PTPRU: variants seen among roughly 807,000 people sequenced by gnomAD.
The protein encoded by PTPRU is protein tyrosine phosphatase receptor type U.
In PTPRU, 69 loss-of-function variants were observed where a neutral mutation model predicts 166.3. The observed-to-expected ratio is 0.41, with a 90% CI of 0.34 to 0.51. The LOEUF is 0.51. PTPRU is among the 20% of genes least tolerant of loss of function. PTPRU has a pLI of 0.09. For missense variants in PTPRU, 1,657 were observed against 2,013.7 expected (o/e 0.82, Z 3.39); for synonymous variants, 793 against 814.0 (o/e 0.97, Z 0.44).
At position 29,320,501 on chromosome 1, in the gene PTPRU, C is replaced by G; in HGVS notation, c.3688-184C>G. The G allele has an allele frequency of 1.7e-6, 1 of 582,958 alleles. No homozygotes were observed. Among genetic ancestry groups the G allele is most frequent in the Non-Finnish European group, 2.7e-6 (1 of 374,016 alleles). 36.1% of individuals were successfully genotyped at this position (582,958 alleles called of 1,614,324 possible). A position where few individuals can be genotyped will look rare whatever the true frequency, so the allele number is the denominator to read the frequency against. On this transcript the variant is annotated intron_variant, in intron 25 of 29. Transcript: ENST00000373779. The surrounding 1 kb of genome is among the most constrained non-coding windows in gnomAD (Gnocchi z 5.2). ...CTTGGTCCCCAGAGGCCTGGGCCCA[C>G]CCTGTCAACCCAGGCCTCAGTGTGC...
rs752514399 is a variant in PTPRU, at chr1:29,284,879, G to A, written c.2318+10G>A. 4.4e-6 allele frequency: 7 copies of A among 1,602,092 alleles called. No homozygotes were observed. The highest frequency in any genetic ancestry group is 1.1e-5 in the South Asian group (1 of 89,456). On this transcript the variant is annotated intron_variant, in intron 14 of 29. Transcript: ENST00000373779. ...TCATCATCCGCAAAGGGTGAGTGAG[G>A]CCGGTGCCCTGTCCCACCAGTGGCT...
rs751838866 is a variant in PTPRU, at chr1:29,275,683, C to T, written c.1380C>T (p.His460=). 17 of 1,614,074 alleles carry T rather than the reference C, an allele frequency of 1.1e-5. No homozygotes were observed. The East Asian group carries it at 1.3e-4, about 13-fold the overall frequency. ...ACCTGCTGCCCTATCGGAACGTTCA[C>T]GTGAGGCTTGTCCTCACTAACCCTG... is the stretch of plus-strand genomic sequence containing the variant. ...IKNLLPYRNV[H]VRLVLTNPEG... is the part of the protein sequence containing the mutation. The change falls in exon 8 of 30, where the codon CAC becomes CAT. Residue 460 remains histidine, a synonymous_variant. Coordinates refer to ENST00000373779, the MANE Select transcript of PTPRU (RefSeq NM_133178.4).
rs567982844 is a variant in PTPRU, at chr1:29,322,644, C to G, written c.3829-727C>G. Among the ~76,000 whole-genome samples the G allele has an allele frequency of 3.2e-4, 49 of 152,154 alleles. No homozygotes were observed. In the East Asian group the frequency reaches 8.5e-3, roughly 26 times the overall value. On this transcript the variant is annotated intron_variant, in intron 26 of 29. Transcript: ENST00000373779. ...CAGAGGGGATTGATGAGCACGGTGT[C>G]TTTTTGGGAGAGGATGGGAGTCATT... is the stretch of plus-strand genomic sequence containing the variant.
chr1:29,311,633 G>A lies in PTPRU; in HGVS notation c.2956-10G>A. The A allele has an allele frequency of 1.2e-6, 2 of 1,614,046 alleles. No individual in the cohort carries two copies. Among genetic ancestry groups the A allele is most frequent in the Admixed American group, 1.7e-5 (1 of 60,028 alleles). On this transcript the variant is annotated splice_polypyrimidine_tract_variant and intron_variant, in intron 20 of 29. Transcript: ENST00000373779. The surrounding 1 kb of genome is among the most constrained non-coding windows in gnomAD (Gnocchi z 4.1). ...AGAGCCCACTGAGTCCCGTCCTGTG[G>A]GGCCTCTAGGTGAAATGCTCACGGT...
chr1:29,313,746 C>G (rs1687772990), intron 22 of PTPRU, among the ~76,000 whole-genome samples: 1 of 152,056 alleles, frequency 6.6e-6, no homozygotes, highest in Admixed American at 6.6e-5. Flanking sequence ...TCCCAGCTAC[C>G]TGTGAGGCTG....
In PTPRU at chr1:29,246,049, C is replaced by T. The variant is rs141175064; in HGVS notation, c.74-9226C>T. ...GTACTGCACTGCACTATTGCATGGA[C>T]GTCAGTATTGCATCAGGACTGTGAA... On this transcript the variant is annotated intron_variant, in intron 1 of 29. Coordinates refer to ENST00000373779, the MANE Select transcript of PTPRU (RefSeq NM_133178.4). Among the ~76,000 whole-genome samples, 10 of 152,366 alleles carry T rather than the reference C, an allele frequency of 6.6e-5. No individual in the cohort carries two copies. The East Asian group carries it at 1.3e-3, about 21-fold the overall frequency.
intron 1 of PTPRU, among the ~76,000 whole-genome samples, chr1:29,249,563 G>C (rs1481603400): frequency 6.6e-6 from 1 of 152,248 alleles, no homozygotes; most frequent in African/African-American, 2.4e-5. Context: ...GCTTGGCCCA[G>C]GCTGCAGAAA....
At chr1:29,282,159 T>C (rs1037319406) in intron 11 of PTPRU, among the ~76,000 whole-genome samples, 1 of 152,236 alleles carries the variant, frequency 6.6e-6, no homozygotes, top group Non-Finnish European at 1.5e-5. Context: ...GGAAGCCCAG[T>C]TGCCTAGTGT....
intron 25 of PTPRU, among the ~76,000 whole-genome samples, chr1:29,318,679 C>G (rs1173383976): frequency 6.6e-6 from 1 of 152,222 alleles, no homozygotes; most frequent in Non-Finnish European, 1.5e-5. Flanking sequence ...TTCACCCCTC[C>G]CCGATATAGC....
intron 15 of PTPRU, among the ~76,000 whole-genome samples, chr1:29,303,087 A>G (rs191734856): frequency 9.2e-5 from 14 of 152,320 alleles, no homozygotes; most frequent in African/African-American, 3.1e-4. Flanking sequence ...TTCGGAATGC[A>G]TCCCTGTTGT....
intron 18 of PTPRU, among the ~76,000 whole-genome samples, chr1:29,309,459 C>T (rs935135910): frequency 2.6e-5 from 4 of 152,096 alleles, no homozygotes; most frequent in African/African-American, 7.2e-5. Flanking sequence ...CATAGTCAAT[C>T]GCCTTCTGCC....
At position 29,325,828 on chromosome 1, in the gene PTPRU, T is replaced by C; in HGVS notation, c.*167T>C. 1 of 763,844 alleles carries C rather than the reference T, an allele frequency of 1.3e-6. No individual in the cohort carries two copies. The highest frequency in any genetic ancestry group is 2.0e-6 in the Non-Finnish European group (1 of 501,212). The allele number at this position is 763,844 out of a possible 1,614,324, so 47.3% of individuals were successfully genotyped here. On this transcript the variant is annotated 3_prime_UTR_variant, in exon 30 of 30. Transcript: ENST00000373779. ...TCCCCCTTCCACTGTGGGCAGGGCC[T>C]TTCGCTTGTCCCATGGGCGGGTGGT...
At position 29,291,942 on chromosome 1, in the gene PTPRU, C is replaced by T. The variant is rs140574807; in HGVS notation, c.2392C>T (p.Arg798Cys). 4.1e-4 allele frequency: 656 copies of T among 1,614,148 alleles called. No homozygotes were observed. Among genetic ancestry groups the T allele is most frequent in the Non-Finnish European group, 5.0e-4 (594 of 1,180,028 alleles). ...GACACACATGATGAGCGCCGTGGAC[C>T]GCAGCTTCACAGACCAGAGCACCCT... ...EKTHMMSAVD[R>C]SFTDQSTLQE... Residue 798 changes from arginine to cysteine, a missense_variant, in exon 15 of 30, where the codon CGC (arginine) becomes TGC (cysteine). Physicochemically the swap from Arg to Cys is radical, Grantham distance 180. This residue lies in a region of PTPRU where 1,190 missense variants were observed against 1,477.4 expected (regional missense o/e 0.81). Transcript: ENST00000373779. This position sits in a 1 kb window ranked among gnomAD's most constrained non-coding sequence, Gnocchi z 4.1.
At chr1:29,248,258 T>C (rs1684386649) in intron 1 of PTPRU, among the ~76,000 whole-genome samples, 1 of 151,458 alleles carries the variant, frequency 6.6e-6, no homozygotes, top group East Asian at 1.9e-4. Context: ...AGGGAGGAGG[T>C]AGGGATTAGA....
At chr1:29,274,852 ACCAGCCTGG>A (rs548715623) in intron 7 of PTPRU, among the ~76,000 whole-genome samples, 80 of 152,066 alleles carry the variant, frequency 5.3e-4, no homozygotes, top group African/African-American at 1.9e-3. Context: ...GGAGTTCAAG[ACCAGCCTGG>A]CCAACATGTG....
Position 29,260,154 on chromosome 1 carries a change from G to C in PTPRU, c.850+110G>C. The C allele has an allele frequency of 3.4e-6, 4 of 1,175,446 alleles. No homozygotes were observed. The South Asian group carries it at 8.7e-5, about 25-fold the overall frequency. 72.8% of individuals were successfully genotyped at this position (1,175,446 alleles called of 1,614,324 possible). On this transcript the variant is annotated intron_variant, in intron 6 of 29. Transcript: ENST00000373779. The surrounding 1 kb of genome is among the most constrained non-coding windows in gnomAD (Gnocchi z 8.3). ...TGGCCGTGGGGGGTGGGGCCGGCAGGGTGTCGCTGGGGCGCTATCTGAAGA... is the reference window on the plus strand; with the variant it reads ...TGGCCGTGGGGGGTGGGGCCGGCAGCGTGTCGCTGGGGCGCTATCTGAAGA...
Position 29,260,100 on chromosome 1 carries a change from G to A in PTPRU, c.850+56G>A, listed in dbSNP as rs1264071341. The A allele has an allele frequency of 5.2e-6, 7 of 1,343,496 alleles. No individual in the cohort carries two copies. In the East Asian group the frequency reaches 1.5e-4, roughly 29 times the overall value. The allele number at this position is 1,343,496 out of a possible 1,614,324, so 83.2% of individuals were successfully genotyped here. A position where few individuals can be genotyped will look rare whatever the true frequency, so the allele number is the denominator to read the frequency against. ...ACCTCACCCTCGAGGGGCGGGGCCGGCGACGGGGGCGGGCTCTGCCCGGGG... is the reference window on the plus strand; with the variant it reads ...ACCTCACCCTCGAGGGGCGGGGCCGACGACGGGGGCGGGCTCTGCCCGGGG... On this transcript the variant is annotated intron_variant, in intron 6 of 29. Transcript: ENST00000373779. The surrounding 1 kb of genome is among the most constrained non-coding windows in gnomAD (Gnocchi z 8.3).
chr1:29,283,039 C>T, intron 12 of PTPRU, 90 bp downstream of exon 12: 3 of 1,524,448 alleles, frequency 2.0e-6, no homozygotes, highest in Non-Finnish European at 2.7e-6. Context: ...AGCGCAGACT[C>T]CAGGCCCGGC....
intron 15 of PTPRU, among the ~76,000 whole-genome samples, chr1:29,297,094 C>T (rs1686922584): frequency 7.1e-6 from 1 of 141,428 alleles, no homozygotes; most frequent in Non-Finnish European, 1.5e-5. Flanking sequence ...CACTGTGTCG[C>T]CCAGGCTGGA....
Sources: allele counts gnomAD v4.1 joint callset (sites outside exome capture counted in the v4.1 genomes callset), GRCh38; gene constraint gnomAD v4.1.1; regional missense constraint gnomAD v4.1.1; non-coding constraint Gnocchi (gnomAD v3.1); transcripts MANE v1.5; gene names NCBI Gene and HGNC (gene_info 2026-07-23, HGNC 2026-07-21).